CASP6: variants seen among roughly 807,000 people sequenced by gnomAD.
The protein encoded by CASP6 is caspase 6, also known as caspase-6.
In CASP6, 20 loss-of-function variants were observed where a neutral mutation model predicts 31.8. The observed-to-expected ratio is 0.63, with a 90% CI of 0.44 to 0.91. The LOEUF is 0.91. CASP6 is among the 40% of genes least tolerant of loss of function. The pLI is 0.00. For missense variants in CASP6, 328 were observed against 361.1 expected (o/e 0.91, Z 0.74); for synonymous variants, 130 against 127.8 (o/e 1.02, Z -0.12).
the CASP6 span, among the ~76,000 whole-genome samples, chr4:109,670,319 TGA>T: frequency 0.032 from 4,945 of 152,214 alleles, 269 homozygotes; most frequent in African/African-American, 0.11. Flanking sequence ...TACAGGTTGC[TGA>T]AGTTGGGTTT....
At chr4:109,702,525 T>C (rs528038224) in intron 1 of CASP6, among the ~76,000 whole-genome samples, 2 of 151,546 alleles carry the variant, frequency 1.3e-5, no homozygotes, top group African/African-American at 2.4e-5. Flanking sequence ...CCGTGTTAGT[T>C]AGGCTGGTCG....
intron 2 of CASP6, 160 bp from the exon 3 acceptor site, chr4:109,697,928 C>T (rs1730301251): frequency 1.3e-6 from 1 of 766,008 alleles, no homozygotes; most frequent in South Asian, 2.0e-5. Context: ...TAAGGAAAGT[C>T]CTGAAATATC....
At chr4:109,674,851 T>C in the CASP6 span, among the ~76,000 whole-genome samples, 1 of 152,264 alleles carries the variant, frequency 6.6e-6, no homozygotes, top group Non-Finnish European at 1.5e-5. Context: ...TGAACACTTT[T>C]TAAATGTGTG....
the CASP6 span, among the ~76,000 whole-genome samples, chr4:109,675,149 G>T: frequency 6.6e-6 from 1 of 152,214 alleles, no homozygotes; most frequent in Non-Finnish European, 1.5e-5. Context: ...CCTTTATTAG[G>T]AAATGCCACA....
the CASP6 span, among the ~76,000 whole-genome samples, chr4:109,675,771 G>T: frequency 7.8e-3 from 1,192 of 152,304 alleles, 9 homozygotes; most frequent in Non-Finnish European, 0.013. Flanking sequence ...CTTGGCAGTA[G>T]GTTCCTTATA....
At chr4:109,685,283 ATTTC>A, downstream of CASP6, 1 of 1,564,384 alleles carries the variant, frequency 6.4e-7, no homozygotes, top group Admixed American at 1.7e-5. Flanking sequence ...AGAGTAGGCA[ATTTC>A]TTCAGTTCTT....
At chr4:109,703,452 C>T (rs1730498120), upstream of CASP6, 1 of 1,583,836 alleles carries the variant, frequency 6.3e-7, no homozygotes, top group Non-Finnish European at 8.6e-7. Context: ...CCACAGGCTC[C>T]CGGGCCCGGC....
chr4:109,684,639 C>T (rs769002729), downstream of CASP6: 2 of 1,433,684 alleles, frequency 1.4e-6, no homozygotes, highest in Non-Finnish European at 2.0e-6. Flanking sequence ...TTTATAGTCA[C>T]TCGACAGGTG....
At chr4:109,668,821 G>T in the CASP6 span, among the ~76,000 whole-genome samples, 1 of 150,568 alleles carries the variant, frequency 6.6e-6, no homozygotes, top group South Asian at 2.1e-4. Context: ...TTTTTTTAGC[G>T]GTTGCCTAAG....
intron 4 of CASP6, 35 bp downstream of exon 4, chr4:109,696,375 A>C: frequency 1.4e-6 from 2 of 1,453,550 alleles, no homozygotes; most frequent in Non-Finnish European, 1.9e-6. Flanking sequence ...GTTTCATTAG[A>C]GGAAGATGAA....
chr4:109,689,648 A>G lies in CASP6; in HGVS notation c.644-80T>C, dbSNP rs910302235. On this transcript the variant is annotated intron_variant, in intron 6 of 6. Coordinates refer to ENST00000265164, the MANE Select transcript of CASP6 (RefSeq NM_001226.4). ...GTGTATTCTTTTTAGTTACAGAAGT[A>G]TAAGTTCTTAAAAATCCTTAGAAGA... The G allele has an allele frequency of 3.1e-6, 4 of 1,289,280 alleles. No individual in the cohort carries two copies. The African/African-American group carries it at 4.5e-5, about 14-fold the overall frequency. 79.9% of individuals were successfully genotyped at this position (1,289,280 alleles called of 1,614,324 possible).
upstream of CASP6, among the ~76,000 whole-genome samples, chr4:109,705,105 G>A (rs1730558440): frequency 6.6e-6 from 1 of 152,176 alleles, no homozygotes; most frequent in African/African-American, 2.4e-5. Flanking sequence ...TGTCTTCAAA[G>A]CTTCAAAGAA....
At chr4:109,674,639 A>G in the CASP6 span, among the ~76,000 whole-genome samples, 2 of 152,258 alleles carry the variant, frequency 1.3e-5, no homozygotes, top group African/African-American at 2.4e-5. Flanking sequence ...GTTTAAACCA[A>G]ATCCAGAAAG....
chr4:109,679,953 C>G, the CASP6 span, among the ~76,000 whole-genome samples: 4 of 152,112 alleles, frequency 2.6e-5, no homozygotes, highest in Non-Finnish European at 5.9e-5. Flanking sequence ...AGGTGTGTAC[C>G]ACCATGCCCA....
At chr4:109,706,004 ATATATATAT>A (rs1730598069), upstream of CASP6, among the ~76,000 whole-genome samples, 3 of 44,058 alleles carry the variant, frequency 6.8e-5, no homozygotes, top group Non-Finnish European at 7.3e-5. Context: ...AAAAAAAAAT[ATATATATAT>A]ATATATATAT....
chr4:109,705,322 A>C (rs978310272), upstream of CASP6, among the ~76,000 whole-genome samples: 39 of 152,218 alleles, frequency 2.6e-4, no homozygotes, highest in Non-Finnish European at 8.8e-5. Context: ...AGTGCTCAGA[A>C]GAAAGGTTCC....
intron 4 of CASP6, among the ~76,000 whole-genome samples, chr4:109,695,836 G>A (rs1309491787): frequency 6.6e-6 from 1 of 152,078 alleles, no homozygotes; most frequent in Non-Finnish European, 1.5e-5. Flanking sequence ...CAAAGCTTCT[G>A]AGCAAAGTAG....
chr4:109,667,359 A>G, the CASP6 span, among the ~76,000 whole-genome samples: 3 of 151,964 alleles, frequency 2.0e-5, no homozygotes, highest in African/African-American at 4.8e-5. Flanking sequence ...AGGTTATTGA[A>G]TTTGTGGGCA....
At chr4:109,704,084 C>T (rs879387595), upstream of CASP6, among the ~76,000 whole-genome samples, 1 of 152,186 alleles carries the variant, frequency 6.6e-6, no homozygotes, top group African/African-American at 2.4e-5. Context: ...ACTGTTCCAC[C>T]GAACTTTCCC....
Sources: gnomAD v4.1 joint callset for allele counts (sites outside exome capture counted in the v4.1 genomes callset) on GRCh38, gnomAD v4.1.1 for gene constraint, MANE v1.5 for transcripts, NCBI Gene and HGNC (gene_info 2026-07-23, HGNC 2026-07-21) for gene names.